The following RERE variants were observed in gnomAD, a reference collection of about 807,000 sequenced individuals.
RERE encodes arginine-glutamic acid dipeptide repeats protein.
In RERE, 40 loss-of-function variants were observed where a neutral mutation model predicts 146.1. The ratio of observed to expected loss-of-function variants is 0.27; its 90% CI spans 0.21 to 0.36. The LOEUF (loss-of-function observed/expected upper bound fraction) is 0.36. Ranked by LOEUF, RERE falls within the 10% of genes least tolerant of loss-of-function variation. The pLI, the probability that RERE is intolerant of heterozygous loss-of-function variation, is 1.00. For missense variants in RERE, 1,933 were observed against 2,138.7 expected, an observed-to-expected ratio of 0.90 and a Z score of 1.90; for synonymous variants, 1,003 against 866.0, an observed-to-expected ratio of 1.16 and a Z score of -2.78.
intron 2 of RERE, among the ~76,000 whole-genome samples, chr1:8,646,282 A>G (rs1354476661): frequency 6.6e-6 from 1 of 152,134 alleles, no homozygotes; most frequent in Non-Finnish European, 1.5e-5. Flanking sequence ...CGTAATCTCA[A>G]CACTTTGAGA....
chr1:8,497,635 T>C (rs563822533), intron 8 of RERE, 106 bp from the exon 9 acceptor site: 3 of 1,178,708 alleles, frequency 2.5e-6, no homozygotes, highest in African/African-American at 1.5e-5. Flanking sequence ...ACTGAGACTC[T>C]TTCCTTGGAC....
chr1:8,498,228 G>A (rs557576896), intron 8 of RERE, among the ~76,000 whole-genome samples: 82 of 151,956 alleles, frequency 5.4e-4, no homozygotes, highest in African/African-American at 1.8e-3. Flanking sequence ...GCACGGTGGC[G>A]GGCGCCTATA....
intron 1 of RERE, among the ~76,000 whole-genome samples, chr1:8,815,547 C>T (rs964644464): frequency 6.6e-6 from 1 of 152,118 alleles, no homozygotes; most frequent in African/African-American, 2.4e-5. Context: ...GCAGAAACCA[C>T]GGCTGCAAAA....
chr1:8,714,567 C>T (rs2124463942), intron 1 of RERE, among the ~76,000 whole-genome samples: 1 of 152,232 alleles, frequency 6.6e-6, no homozygotes, highest in East Asian at 1.9e-4. Flanking sequence ...GAAAATACTT[C>T]ACAAACAACA....
chr1:8,406,789 T>C (rs548957526), intron 12 of RERE, among the ~76,000 whole-genome samples: 3 of 119,244 alleles, frequency 2.5e-5, no homozygotes, highest in Admixed American at 9.2e-5. Context: ...TCTCTTCCAT[T>C]TAGTCCAGTG....
At chr1:8,539,170 C>T (rs1182587588) in intron 7 of RERE, among the ~76,000 whole-genome samples, 1 of 152,144 alleles carries the variant, frequency 6.6e-6, no homozygotes, top group Non-Finnish European at 1.5e-5. Context: ...ACTAAAATAA[C>T]ATCCAATTCC....
chr1:8,723,998 T>C (rs1338896887), intron 1 of RERE, among the ~76,000 whole-genome samples: 3 of 151,646 alleles, frequency 2.0e-5, no homozygotes, highest in Non-Finnish European at 4.4e-5. Flanking sequence ...TTCCAGCATT[T>C]TGTCAACTTG....
intron 1 of RERE, chr1:8,796,816 A>G (rs1337344650): frequency 6.6e-6 from 1 of 152,188 alleles, no homozygotes; most frequent in Non-Finnish European, 1.5e-5. Flanking sequence ...TATGAAGAAC[A>G]GGAAACTGAA....
At chr1:8,429,699 C>A (rs181266761) in intron 11 of RERE, 6 of 152,680 alleles carry the variant, frequency 3.9e-5, no homozygotes, top group Non-Finnish European at 8.8e-5. Context: ...GACATCTACT[C>A]AGTCCTCTTA....
At chr1:8,630,268 TC>T (rs778628061) in intron 2 of RERE, among the ~76,000 whole-genome samples, 138 of 152,070 alleles carry the variant, frequency 9.1e-4, no homozygotes, top group Non-Finnish European at 1.6e-3. Flanking sequence ...CAACAAACCC[TC>T]CCAGTTCTAG....
At chr1:8,502,194 C>T (rs1306941133) in intron 8 of RERE, among the ~76,000 whole-genome samples, 1 of 75,678 alleles carries the variant, frequency 1.3e-5, no homozygotes, top group Non-Finnish European at 2.6e-5. Context: ...CCAGCCGCCC[C>T]GTCCGGGAGG....
At chr1:8,671,027 A>C (rs761425886) in intron 1 of RERE, among the ~76,000 whole-genome samples, 7 of 152,236 alleles carry the variant, frequency 4.6e-5, no homozygotes, top group East Asian at 1.9e-4. Context: ...AAGCAACTAC[A>C]GTCATTTACT....
intron 12 of RERE, among the ~76,000 whole-genome samples, chr1:8,398,412 C>T (rs568807704): frequency 6.6e-6 from 1 of 152,120 alleles, no homozygotes; most frequent in East Asian, 1.9e-4. Flanking sequence ...CACCATCTCC[C>T]CATCACTCAA....
At chr1:8,416,463 G>A (rs1197574651) in intron 12 of RERE, among the ~76,000 whole-genome samples, 2 of 151,766 alleles carry the variant, frequency 1.3e-5, no homozygotes, top group South Asian at 2.1e-4. Context: ...GCGGGCGCCT[G>A]TAGTCCCAGC....
intron 12 of RERE, among the ~76,000 whole-genome samples, chr1:8,377,583 G>C (rs934645340): frequency 1.3e-5 from 2 of 151,892 alleles, no homozygotes; most frequent in Admixed American, 1.3e-4. Flanking sequence ...CAGCAAAGGG[G>C]GAGGAGACGA....
rs899320329 is a variant in RERE, at chr1:8,577,921, T to C, written c.523-20398A>G. Among the ~76,000 whole-genome samples the C allele has an allele frequency of 2.6e-5, 4 of 152,086 alleles. No individual in the cohort carries two copies. The East Asian group carries it at 7.7e-4, about 29-fold the overall frequency. On this transcript the variant is annotated intron_variant, in intron 4 of 22. Coordinates refer to ENST00000400908, the MANE Select transcript of RERE (RefSeq NM_001042681.2). Reference sequence around the variant, plus strand: ...CAGCCTGGCCAACATGGCAAAACCCTGTCTCTACCAAAAATACAAAAAAGC... The same window carrying C: ...CAGCCTGGCCAACATGGCAAAACCCCGTCTCTACCAAAAATACAAAAAAGC...
chr1:8,811,062 A>C (rs1641797789), intron 1 of RERE, among the ~76,000 whole-genome samples: 1 of 152,250 alleles, frequency 6.6e-6, no homozygotes, highest in Non-Finnish European at 1.5e-5. Context: ...ATAAGCTATC[A>C]AAATCAACAA....
At chr1:8,651,655 G>C (rs940613072) in intron 2 of RERE, among the ~76,000 whole-genome samples, 4 of 151,890 alleles carry the variant, frequency 2.6e-5, no homozygotes, top group African/African-American at 9.7e-5. Context: ...GAGCCTGGGA[G>C]GTCAAGGCTG....
chr1:8,477,125 T>C (rs1277269988), intron 10 of RERE, among the ~76,000 whole-genome samples: 5 of 152,248 alleles, frequency 3.3e-5, no homozygotes, highest in African/African-American at 4.8e-5. Flanking sequence ...AATGCAATTA[T>C]GGATAATTAA....
Sources: gnomAD v4.1 joint callset for allele counts (sites outside exome capture counted in the v4.1 genomes callset) on GRCh38, gnomAD v4.1.1 for gene constraint, MANE v1.5 for transcripts, NCBI Gene and HGNC (gene_info 2026-07-23, HGNC 2026-07-21) for gene names.